Variants in PPP2CA observed in about 807,000 individuals in gnomAD.
The protein encoded by PPP2CA is protein phosphatase 2 catalytic subunit alpha.
In PPP2CA, 5 loss-of-function variants were observed where a neutral mutation model predicts 38.8. The ratio of observed to expected loss-of-function variants is 0.13; its 90% CI spans 0.07 to 0.27. PPP2CA has a LOEUF of 0.27. PPP2CA is among the 10% of genes least tolerant of loss of function. The pLI, the probability that PPP2CA is intolerant of heterozygous loss-of-function variation, is 1.00. For missense variants in PPP2CA, 88 were observed against 389.7 expected, an observed-to-expected ratio of 0.23 and a Z score of 6.52; for synonymous variants, 152 against 134.0, an observed-to-expected ratio of 1.13 and a Z score of -0.93.
intron 1 of PPP2CA, among the ~76,000 whole-genome samples, chr5:134,209,873 A>C (rs1762168116): frequency 6.6e-6 from 1 of 152,108 alleles, no homozygotes; most frequent in South Asian, 2.1e-4. Flanking sequence ...GAGTTCAGAG[A>C]CCAGCCTGGG....
intron 1 of PPP2CA, among the ~76,000 whole-genome samples, chr5:134,214,105 T>C (rs2149386784): frequency 6.6e-6 from 1 of 152,022 alleles, no homozygotes; most frequent in African/African-American, 2.4e-5. Context: ...CTCCAGCCTA[T>C]GCAACACAGT....
chr5:134,199,361 T>A, intron 5 of PPP2CA, 157 bp from the exon 6 acceptor site: 1 of 585,550 alleles, frequency 1.7e-6, no homozygotes, highest in South Asian at 2.2e-5. Flanking sequence ...AATAATCTCC[T>A]GTACTTTATA....
At chr5:134,225,641 C>G in intron 1 of PPP2CA, 119 bp downstream of exon 1, 3 of 824,798 alleles carry the variant, frequency 3.6e-6, no homozygotes, top group Non-Finnish European at 5.3e-6. Context: ...GGGCGCCGGT[C>G]TCGGAGACTC....
At chr5:134,225,456 TG>T in intron 1 of PPP2CA, 1 of 300,984 alleles carries the variant, frequency 3.3e-6, no homozygotes, top group Admixed American at 5.4e-5. Flanking sequence ...AAACCGTCCC[TG>T]ACGATGACCC....
At chr5:134,202,435 A>ACTTT (rs10653716) in intron 2 of PPP2CA, 119,274 of 154,398 alleles carry the variant, frequency 0.77, 46,560 homozygotes, top group Non-Finnish European at 0.82. Flanking sequence ...CCACTGATTT[A>ACTTT]CTGTCTTGAG....
chr5:134,195,902 C>T lies in PPP2CA; in HGVS notation c.*1870G>A, dbSNP rs890774047. 6 of 152,168 alleles carry T rather than the reference C, an allele frequency of 3.9e-5. No homozygotes were observed. Among genetic ancestry groups the T allele is most frequent in the Non-Finnish European group, 4.4e-5 (3 of 68,036 alleles). The allele number at this position is 152,168 out of a possible 1,614,324, so 9.4% of individuals were successfully genotyped here. ...ACCACCACGTGTCAATTACAATATA[C>T]GTATTCCTTGGTCAATTCTGATATC... On this transcript the variant is annotated 3_prime_UTR_variant, in exon 7 of 7. Transcript: ENST00000481195.
At chr5:134,199,456 TAACA>T in intron 5 of PPP2CA, 1 of 330,334 alleles carries the variant, frequency 3.0e-6, no homozygotes, top group Non-Finnish European at 5.5e-6. Flanking sequence ...AAAAAGGCTT[TAACA>T]AACAGCAGCA....
At chr5:134,211,980 C>T (rs1188153673) in intron 1 of PPP2CA, among the ~76,000 whole-genome samples, 1 of 151,938 alleles carries the variant, frequency 6.6e-6, no homozygotes, top group East Asian at 1.9e-4. Context: ...ATTAGCCAGG[C>T]GTGGTGGCAG....
At chr5:134,225,376 TCTTA>T (rs1412339392) in intron 1 of PPP2CA, 1 of 198,354 alleles carries the variant, frequency 5.0e-6, no homozygotes, top group African/African-American at 2.4e-5. Context: ...GCGGCAAGAC[TCTTA>T]CTCAGCCCAC....
chr5:134,201,086 G>A lies in PPP2CA; in HGVS notation c.487-12C>T. The A allele has an allele frequency of 6.3e-7, 1 of 1,590,940 alleles. No individual in the cohort carries two copies. The highest frequency in any genetic ancestry group is 8.6e-7 in the Non-Finnish European group (1 of 1,159,122). On this transcript the variant is annotated splice_polypyrimidine_tract_variant and intron_variant, in intron 3 of 6. Transcript: ENST00000481195. The stretch of plus-strand genomic sequence containing the variant: ...TGTAGACAGAAGATCTGAAAAGAGT[G>A]GTTTAAAAGGTTAACCTCACCTAAA...
In PPP2CA at chr5:134,196,800, C is replaced by CA. The variant is rs1304012164; in HGVS notation, c.*971dup. On this transcript the variant is annotated 3_prime_UTR_variant, in exon 7 of 7. Coordinates refer to ENST00000481195, the MANE Select transcript of PPP2CA (RefSeq NM_002715.4). ...TTAAATCTCAAGTTATATGGTTTTACAATTAAGTCTTACTGAAGCAGCACA... is the reference window on the plus strand; with the variant it reads ...TTAAATCTCAAGTTATATGGTTTTACAAATTAAGTCTTACTGAAGCAGCACA... 2 of 152,266 alleles carry CA rather than the reference C, an allele frequency of 1.3e-5. No individual in the cohort carries two copies. The highest frequency in any genetic ancestry group is 2.9e-5 in the Non-Finnish European group (2 of 68,026). The allele number at this position is 152,266 out of a possible 1,614,324, so 9.4% of individuals were successfully genotyped here. A position where few individuals can be genotyped will look rare whatever the true frequency, so the allele number is the denominator to read the frequency against.
chr5:134,214,355 C>T (rs1004051356), intron 1 of PPP2CA, among the ~76,000 whole-genome samples: 1 of 152,196 alleles, frequency 6.6e-6, no homozygotes, highest in Non-Finnish European at 1.5e-5. Flanking sequence ...TTTAAAACTA[C>T]ATAATGCCCT....
At position 134,211,229 on chromosome 5, in the gene PPP2CA, T is replaced by TG. The variant is rs531414256; in HGVS notation, c.103-5099dup. Among the ~76,000 whole-genome samples the TG allele has an allele frequency of 5.8e-4, 89 of 152,234 alleles. 2 individuals carry two copies. In the South Asian group the frequency reaches 0.017, roughly 30 times the overall value. On this transcript the variant is annotated intron_variant, in intron 1 of 6. Transcript: ENST00000481195. ...CCTTAGTCTCCCGAGTAGCTGGGAC[T>TG]GCAGGCATGCACCACTGAGGACACT... is the stretch of plus-strand genomic sequence containing the variant.
At chr5:134,218,475 T>A (rs1580649970) in intron 1 of PPP2CA, among the ~76,000 whole-genome samples, 1 of 152,310 alleles carries the variant, frequency 6.6e-6, no homozygotes, top group Admixed American at 6.5e-5. Context: ...CATATGTGAA[T>A]GAATTAAACA....
At chr5:134,224,406 T>C (rs1762516435) in intron 1 of PPP2CA, 3 of 403,528 alleles carry the variant, frequency 7.4e-6, no homozygotes, top group African/African-American at 4.2e-5. Context: ...CTTACTTAAA[T>C]TCCAATTGTT....
chr5:134,223,716 C>A (rs531718122), intron 1 of PPP2CA, among the ~76,000 whole-genome samples: 5 of 152,318 alleles, frequency 3.3e-5, no homozygotes, highest in Admixed American at 6.5e-5. Flanking sequence ...ACAACAGTTT[C>A]CAACACAAAC....
In PPP2CA at chr5:134,224,698, A is replaced by C. The variant is rs77077142; in HGVS notation, c.102+1062T>G. Among the ~76,000 whole-genome samples, 649 of 152,384 alleles carry C rather than the reference A, an allele frequency of 4.3e-3. 8 individuals are homozygous for C. Among genetic ancestry groups the C allele is most frequent in the African/African-American group, 0.014 (599 of 41,590 alleles). On this transcript the variant is annotated intron_variant, in intron 1 of 6. Coordinates refer to ENST00000481195, the MANE Select transcript of PPP2CA (RefSeq NM_002715.4). ...TTTAAAAATACAACACAAAGCTAATAGCTAAATTAACTACCTGTTTCCCCA... is the reference window on the plus strand; with the variant it reads ...TTTAAAAATACAACACAAAGCTAATCGCTAAATTAACTACCTGTTTCCCCA...
Position 134,197,858 on chromosome 5 carries a change from C to G in PPP2CA, c.858-14G>C. On this transcript the variant is annotated splice_polypyrimidine_tract_variant and intron_variant, in intron 6 of 6. Coordinates refer to ENST00000481195, the MANE Select transcript of PPP2CA (RefSeq NM_002715.4). ...TCAAACTGCAAGCTGAAAAACAAGACCGATTCATGGTTTATGTTCCACGAC... is the reference window on the plus strand; with the variant it reads ...TCAAACTGCAAGCTGAAAAACAAGAGCGATTCATGGTTTATGTTCCACGAC... The G allele has an allele frequency of 6.2e-7, 1 of 1,612,668 alleles. No homozygotes were observed. Among genetic ancestry groups the G allele is most frequent in the Non-Finnish European group, 8.5e-7 (1 of 1,178,814 alleles).
intron 3 of PPP2CA, among the ~76,000 whole-genome samples, chr5:134,201,625 G>A (rs968304493): frequency 6.6e-6 from 1 of 152,160 alleles, no homozygotes; most frequent in African/African-American, 2.4e-5. Flanking sequence ...CCACCCCTGT[G>A]ATCCCACCAT....
Sources: allele counts gnomAD v4.1 joint callset (sites outside exome capture counted in the v4.1 genomes callset), GRCh38; gene constraint gnomAD v4.1.1; transcripts MANE v1.5; gene names NCBI Gene and HGNC (gene_info 2026-07-23, HGNC 2026-07-21).